Variants in ATP8B4 observed in about 807,000 individuals in gnomAD.
ATP8B4 encodes the protein probable phospholipid-transporting ATPase IM.
In ATP8B4, 133 loss-of-function variants were observed where a neutral mutation model predicts 145.6. The ratio of observed to expected loss-of-function variants is 0.91; its 90% CI spans 0.79 to 1.05. ATP8B4 has a LOEUF of 1.05. ATP8B4 is among the 50% of genes least tolerant of loss of function. The pLI is 0.00. For synonymous variants in ATP8B4, 507 were observed against 492.9 expected, an observed-to-expected ratio of 1.03 and a Z score of -0.38; for missense variants, 1,458 against 1,425.2, an observed-to-expected ratio of 1.02 and a Z score of -0.37.
At chr15:50,009,996 A>T (rs2048606012) in intron 7 of ATP8B4, among the ~76,000 whole-genome samples, 1 of 152,188 alleles carries the variant, frequency 6.6e-6, no homozygotes, top group South Asian at 2.1e-4. Flanking sequence ...TTAATGAAAG[A>T]AGACTGTTTC....
intron 1 of ATP8B4, among the ~76,000 whole-genome samples, chr15:50,152,999 A>G (rs1275509600): frequency 6.6e-6 from 1 of 152,232 alleles, no homozygotes; most frequent in African/African-American, 2.4e-5. Flanking sequence ...ATTGCATTTA[A>G]TTACACACAG....
intron 8 of ATP8B4, among the ~76,000 whole-genome samples, chr15:50,001,578 A>T (rs1458800111): frequency 6.6e-6 from 1 of 152,222 alleles, no homozygotes; most frequent in Non-Finnish European, 1.5e-5. Flanking sequence ...GATAAATTCC[A>T]TCTAAAGAAC....
chr15:49,969,367 C>A (rs2044866210), intron 13 of ATP8B4, among the ~76,000 whole-genome samples: 1 of 150,646 alleles, frequency 6.6e-6, no homozygotes, highest in Non-Finnish European at 1.5e-5. Flanking sequence ...ACAAAATAGA[C>A]AGACCACTAG....
chr15:49,900,684 G>C (rs1197541286), intron 21 of ATP8B4, among the ~76,000 whole-genome samples: 1 of 152,132 alleles, frequency 6.6e-6, no homozygotes, highest in Non-Finnish European at 1.5e-5. Context: ...ATTACATGAA[G>C]GTCAGGTTGT....
chr15:50,158,280 T>G (rs1459030234), intron 1 of ATP8B4, among the ~76,000 whole-genome samples: 2 of 148,260 alleles, frequency 1.3e-5, no homozygotes, highest in East Asian at 2.0e-4. Flanking sequence ...GAGCGCCTCT[T>G]CCCGGCCGCC....
At chr15:49,896,694 C>A (rs960144026) in intron 23 of ATP8B4, 1 of 152,086 alleles carries the variant, frequency 6.6e-6, no homozygotes, top group Non-Finnish European at 1.5e-5. Context: ...TTCATTGGGT[C>A]AAAACTTTTC....
At chr15:50,156,107 A>AAAAT (rs1555498023) in intron 1 of ATP8B4, among the ~76,000 whole-genome samples, 2 of 27,116 alleles carry the variant, frequency 7.4e-5, no homozygotes, top group Non-Finnish European at 1.7e-4. Flanking sequence ...TATATATATA[A>AAAAT]ATATATATAT....
chr15:50,058,544 G>A (rs911981095), intron 3 of ATP8B4, among the ~76,000 whole-genome samples: 2 of 152,164 alleles, frequency 1.3e-5, no homozygotes, highest in Admixed American at 6.6e-5. Flanking sequence ...AATAGCACAC[G>A]ATACACAGTC....
chr15:50,084,700 G>A (rs1248910756), intron 2 of ATP8B4, among the ~76,000 whole-genome samples: 7 of 152,210 alleles, frequency 4.6e-5, no homozygotes, highest in East Asian at 1.9e-4. Flanking sequence ...GCAGGGCTGA[G>A]TTCCTTCTAG....
At chr15:49,891,906 G>C (rs900526130) in intron 23 of ATP8B4, among the ~76,000 whole-genome samples, 1 of 152,032 alleles carries the variant, frequency 6.6e-6, no homozygotes, top group African/African-American at 2.4e-5. Context: ...ACGAGGTCAG[G>C]AGATTGAGAC....
chr15:50,077,978 C>G (rs778240455), intron 2 of ATP8B4, among the ~76,000 whole-genome samples: 1 of 152,014 alleles, frequency 6.6e-6, no homozygotes. Context: ...AAGACCCTGG[C>G]GATGGCACTA....
At chr15:49,897,202 T>A (rs748646301) in intron 23 of ATP8B4, 90 bp downstream of exon 23, 2 of 1,247,062 alleles carry the variant, frequency 1.6e-6, no homozygotes, top group Non-Finnish European at 2.3e-6. Flanking sequence ...GCTCTGAATT[T>A]ATTAGTAAAG....
chr15:49,966,355 A>G (rs2044539055), intron 13 of ATP8B4, among the ~76,000 whole-genome samples: 1 of 152,212 alleles, frequency 6.6e-6, no homozygotes, highest in Non-Finnish European at 1.5e-5. Context: ...GAGCCCAGCA[A>G]GCTAAGATCC....
intron 6 of ATP8B4, among the ~76,000 whole-genome samples, chr15:50,030,233 C>T (rs747831113): frequency 6.6e-6 from 1 of 151,692 alleles, no homozygotes; most frequent in African/African-American, 2.4e-5. Context: ...CCAATAACAA[C>T]TGAGAAAAGA....
chr15:50,034,352 C>T (rs1801201808), intron 6 of ATP8B4, among the ~76,000 whole-genome samples: 2 of 151,670 alleles, frequency 1.3e-5, no homozygotes, highest in Non-Finnish European at 2.9e-5. Flanking sequence ...GCCTCATCCT[C>T]CTGGGTAGCT....
intron 23 of ATP8B4, among the ~76,000 whole-genome samples, chr15:49,893,094 A>C (rs1279601419): frequency 6.6e-6 from 1 of 152,260 alleles, no homozygotes; most frequent in Non-Finnish European, 1.5e-5. Flanking sequence ...ACTTCAATTC[A>C]GATCAAAGGA....
chr15:50,146,468 A>C (rs527677217), intron 1 of ATP8B4, among the ~76,000 whole-genome samples: 2 of 152,356 alleles, frequency 1.3e-5, no homozygotes, highest in African/African-American at 4.8e-5. Flanking sequence ...GTGAAATTCT[A>C]ACTGGCCACC....
At chr15:49,963,225 A>G (rs552326578) in intron 13 of ATP8B4, among the ~76,000 whole-genome samples, 1 of 152,192 alleles carries the variant, frequency 6.6e-6, no homozygotes, top group Non-Finnish European at 1.5e-5. Context: ...ATGAGAAACC[A>G]CCTCACGCCA....
chr15:50,005,407 ATTCT>A (rs2048223792), intron 7 of ATP8B4, among the ~76,000 whole-genome samples: 2 of 152,226 alleles, frequency 1.3e-5, no homozygotes, highest in African/African-American at 4.8e-5. Context: ...AAGCTGTACA[ATTCT>A]TTAAGGATTT....
Sources: allele counts gnomAD v4.1 joint callset (sites outside exome capture counted in the v4.1 genomes callset), GRCh38; gene constraint gnomAD v4.1.1; transcripts MANE v1.5; gene names NCBI Gene and HGNC (gene_info 2026-07-23, HGNC 2026-07-21).